NME9: variants seen among roughly 807,000 people sequenced by gnomAD.
The protein encoded by NME9 is NME/NM23 family member 9, also known as thioredoxin domain-containing protein 6.
NME9 carries 48 observed loss-of-function variants against 44.4 expected under a neutral mutation model. That is an observed-to-expected ratio of 1.08 (90% confidence interval 0.86 to 1.37). The LOEUF (loss-of-function observed/expected upper bound fraction) is 1.37, where lower values mean the gene tolerates loss of function less well. Among genes scored for constraint, NME9 ranks in the 40% most tolerant of loss-of-function variants. The pLI is 0.00. For missense variants in NME9, 325 were observed against 405.2 expected (o/e 0.80, Z 1.70); for synonymous variants, 139 against 147.1 (o/e 0.94, Z 0.40).
At chr3:138,329,167 A>G (rs753205107) in intron 1 of NME9, 136 bp downstream of exon 1, 309 of 765,184 alleles carry the variant, frequency 4.0e-4, no homozygotes, top group Admixed American at 1.8e-3. Context: ...GGAAGGGTAC[A>G]TCACTCAAGT....
chr3:138,322,158 C>CT (rs1407805928), intron 2 of NME9, among the ~76,000 whole-genome samples: 2 of 152,106 alleles, frequency 1.3e-5, no homozygotes, highest in Non-Finnish European at 2.9e-5. Flanking sequence ...TCCCTGAAGA[C>CT]TTAGAGGGCC....
At chr3:138,264,352 T>C (rs1172653568) in intron 8 of NME9, 3 of 584,568 alleles carry the variant, frequency 5.1e-6, no homozygotes, top group Non-Finnish European at 9.0e-6. Context: ...TCAAATCTGA[T>C]ATTCTAAGCA....
Position 138,315,653 on chromosome 3 carries a change from G to C in NME9, c.268-10C>G. ...CCACCAGTTCTCCTCCCTAGAATAC[G>C]TTACAAACAGCATGAAATACTCTTG... On this transcript the variant is annotated splice_polypyrimidine_tract_variant and intron_variant, in intron 4 of 10. Coordinates refer to ENST00000333911, the MANE Select transcript of NME9 (RefSeq NM_001349018.2). The C allele has an allele frequency of 6.6e-7, 1 of 1,510,098 alleles. No individual in the cohort carries two copies. The highest frequency in any genetic ancestry group is 1.2e-5 in the South Asian group (1 of 83,510). 93.5% of individuals were successfully genotyped at this position (1,510,098 alleles called of 1,614,324 possible). A position where few individuals can be genotyped will look rare whatever the true frequency, so the allele number is the denominator to read the frequency against.
Position 138,305,103 on chromosome 3 carries a change from C to T in NME9, c.637-76G>A, listed in dbSNP as rs187378439. The T allele has an allele frequency of 1.7e-5, 24 of 1,375,182 alleles. No homozygotes were observed. The East Asian group carries it at 5.6e-4, about 32-fold the overall frequency. The allele number at this position is 1,375,182 out of a possible 1,614,324, so 85.2% of individuals were successfully genotyped here. On this transcript the variant is annotated intron_variant, in intron 8 of 10. Transcript: ENST00000333911. ...GCAGAGGATCAGCGAGCCCATCTCA[C>T]CCACGGAATGGGAGGGAGTTAGTGA...
intron 1 of NME9, among the ~76,000 whole-genome samples, chr3:138,328,819 A>G (rs2053953617): frequency 6.6e-6 from 1 of 152,210 alleles, no homozygotes; most frequent in East Asian, 1.9e-4. Context: ...CTCAAAACAT[A>G]TTTGTTAATA....
At chr3:138,284,644 C>T (rs1432800287) in intron 8 of NME9, 25 of 729,102 alleles carry the variant, frequency 3.4e-5, no homozygotes, top group Non-Finnish European at 5.5e-5. Flanking sequence ...CTCTGTGACT[C>T]CTCAGATTCA....
At chr3:138,294,017 A>G (rs900306016) in intron 8 of NME9, among the ~76,000 whole-genome samples, 2 of 152,164 alleles carry the variant, frequency 1.3e-5, no homozygotes, top group African/African-American at 4.8e-5. Context: ...TTCTTCTAAA[A>G]AGACTCCTTA....
At position 138,305,889 on chromosome 3, in the gene NME9, TC is replaced by T. The variant is rs1355444360; in HGVS notation, c.636+114del. The T allele has an allele frequency of 6.5e-5, 48 of 743,778 alleles. No individual in the cohort carries two copies. In the African/African-American group the frequency reaches 8.0e-4, roughly 12 times the overall value. The allele number at this position is 743,778 out of a possible 1,614,324, so 46.1% of individuals were successfully genotyped here. On this transcript the variant is annotated intron_variant, in intron 8 of 10. Transcript: ENST00000333911. The stretch of plus-strand genomic sequence containing the variant: ...AATAAATTCATGACCCACTTGCTGT[TC>T]CTATTTTGGTTCTTCATAATTTCTT...
chr3:138,325,476 T>C (rs1166631775), intron 1 of NME9, among the ~76,000 whole-genome samples: 1 of 151,782 alleles, frequency 6.6e-6, no homozygotes, highest in African/African-American at 2.4e-5. Flanking sequence ...CAATCTCAGC[T>C]CACTGCAACC....
In NME9 at chr3:138,290,463, G is replaced by T. The variant is rs142436908; in HGVS notation, c.745+13044C>A. The T allele has an allele frequency of 7.4e-5, 77 of 1,034,588 alleles. 1 individual carries two copies. The highest frequency in any genetic ancestry group is 1.1e-4 in the Non-Finnish European group (74 of 688,494). The allele number at this position is 1,034,588 out of a possible 1,614,324, so 64.1% of individuals were successfully genotyped here. On this transcript the variant is annotated intron_variant, in intron 8 of 8. Transcript: ENST00000317876. Reference sequence around the variant, plus strand: ...GAGGAGTAGGGAGTGAAGGACACTGGTAAGGCTCTAGATTGTTAATTGTAC... The same window carrying T: ...GAGGAGTAGGGAGTGAAGGACACTGTTAAGGCTCTAGATTGTTAATTGTAC...
intron 6 of NME9, among the ~76,000 whole-genome samples, chr3:138,309,795 A>C (rs2052562638): frequency 6.6e-6 from 1 of 152,210 alleles, no homozygotes; most frequent in Non-Finnish European, 1.5e-5. Context: ...TGGGAGGCCA[A>C]GGCAGGCAGA....
rs567997355 is a variant in NME9 at position 138,295,331 on chromosome 3, A to G, written c.745+8176T>C. ...CAAGATGAAATTGTAGCCTTCTTCC[A>G]CGGTTCTGAGGCATGTGAAGCATAA... On this transcript the variant is annotated intron_variant, in intron 8 of 8. Transcript: ENST00000317876. Among the ~76,000 whole-genome samples, 466 of 152,256 alleles carry G rather than the reference A, an allele frequency of 3.1e-3. 2 individuals are homozygous for G. The highest frequency in any genetic ancestry group is 5.5e-3 in the Non-Finnish European group (377 of 68,014).
chr3:138,301,326 A>G lies in NME9; in HGVS notation c.*314T>C, dbSNP rs1331746730. The G allele has an allele frequency of 2.8e-6, 1 of 360,220 alleles. No homozygotes were observed. Among genetic ancestry groups the G allele is most frequent in the Non-Finnish European group, 4.3e-6 (1 of 232,524 alleles). The allele number at this position is 360,220 out of a possible 1,614,324, so 22.3% of individuals were successfully genotyped here. On this transcript the variant is annotated 3_prime_UTR_variant, in exon 11 of 11. Transcript: ENST00000333911. ...TTCAAGCGATTCTCATGCCTAAGCC[A>G]CCCGAGTAGCTGGATGACAGGTGCA...
chr3:138,288,134 T>C (rs1017194702), intron 8 of NME9: 3 of 154,878 alleles, frequency 1.9e-5, no homozygotes, highest in African/African-American at 7.2e-5. Context: ...CTGAATGTAT[T>C]ATATAATGCT....
rs776652480 is a variant in NME9, at chr3:138,319,500, AG to A, written c.172del (p.Leu58TrpfsTer8). 8 of 1,609,772 alleles carry A rather than the reference AG, an allele frequency of 5.0e-6. No individual in the cohort carries two copies. Among genetic ancestry groups the A allele is most frequent in the Non-Finnish European group, 6.8e-6 (8 of 1,175,968 alleles). On this transcript the variant is annotated frameshift_variant, in exon 3 of 11. Coordinates refer to ENST00000333911, the MANE Select transcript of NME9 (RefSeq NM_001349018.2). LOFTEE classifies it high-confidence loss of function. ...TACTAATGCAAAGTGCAGAAGGTCC[AG>A]GCCGACCTCGATCCTCATCTTCTGG... ...LFQKMRIEVG[L>X]DLLHFALAEA...
At chr3:138,296,908 G>A (rs2051539281), downstream of NME9, 1 of 152,128 alleles carries the variant, frequency 6.6e-6, no homozygotes. Context: ...AACCAGTCAT[G>A]GAAACTTGTG....
chr3:138,295,755 G>T, intron 8 of NME9: 3 of 1,343,412 alleles, frequency 2.2e-6, no homozygotes, highest in Non-Finnish European at 2.1e-6. Flanking sequence ...TCCCTCTGGA[G>T]ATTTACTTTT....
intron 8 of NME9, among the ~76,000 whole-genome samples, chr3:138,276,394 T>C (rs2049296292): frequency 6.6e-6 from 1 of 152,200 alleles, no homozygotes; most frequent in South Asian, 2.1e-4. Context: ...TCACTGCCCT[T>C]AAATTGGGAA....
intron 6 of NME9, among the ~76,000 whole-genome samples, chr3:138,308,697 G>C (rs960846599): frequency 6.6e-6 from 1 of 152,108 alleles, no homozygotes; most frequent in Non-Finnish European, 1.5e-5. Flanking sequence ...CAGCTTTTTT[G>C]ATGCCTGGTA....
Sources: gnomAD v4.1 joint callset for allele counts (sites outside exome capture counted in the v4.1 genomes callset) on GRCh38, gnomAD v4.1.1 for gene constraint, MANE v1.5 for transcripts, NCBI Gene and HGNC (gene_info 2026-07-23, HGNC 2026-07-21) for gene names.